The following SLC24A2 variants were observed in gnomAD, a reference collection of about 807,000 sequenced individuals.
SLC24A2 encodes the protein sodium/potassium/calcium exchanger 2.
Under a neutral mutation model 62.0 loss-of-function variants are expected in SLC24A2, and 36 were observed. That is an observed-to-expected ratio of 0.58 (90% CI 0.44 to 0.77). SLC24A2 has a LOEUF of 0.77. Ranked by LOEUF, SLC24A2 falls within the 30% of genes least tolerant of loss-of-function variation. SLC24A2 has a pLI of 0.00. For synonymous variants in SLC24A2, 358 were observed against 294.0 expected (o/e 1.22, Z -2.23); for missense variants, 846 against 817.9 (o/e 1.03, Z -0.42).
At chr9:20,131,783 TATGC>T in the SLC24A2 span, among the ~76,000 whole-genome samples, 2 of 152,116 alleles carry the variant, frequency 1.3e-5, no homozygotes, top group Non-Finnish European at 2.9e-5. Flanking sequence ...CAAGGCAGCA[TATGC>T]AGGCCATTGA....
the SLC24A2 span, among the ~76,000 whole-genome samples, chr9:20,036,884 G>A: frequency 6.8e-6 from 1 of 148,118 alleles, no homozygotes; most frequent in Non-Finnish European, 1.5e-5. Flanking sequence ...ATGTGTGTGT[G>A]TGTGTGCGTA....
intron 9 of SLC24A2, among the ~76,000 whole-genome samples, chr9:19,522,442 A>G (rs1436578174): frequency 6.6e-6 from 1 of 152,226 alleles, no homozygotes; most frequent in South Asian, 2.1e-4. Context: ...AAAGGGCCAA[A>G]ATAGCATATA....
chr9:19,787,722 T>G (rs1431947255), intron 1 of SLC24A2, among the ~76,000 whole-genome samples: 1 of 152,126 alleles, frequency 6.6e-6, no homozygotes, highest in African/African-American at 2.4e-5. Context: ...TGTTTTCAGC[T>G]AAATATTTTT....
chr9:19,516,735 T>C (rs1832948002), intron 10 of SLC24A2, among the ~76,000 whole-genome samples: 1 of 152,182 alleles, frequency 6.6e-6, no homozygotes, highest in East Asian at 1.9e-4. Flanking sequence ...AAAATGTTGC[T>C]TTCAGTCCTA....
chr9:20,307,484 A>G, the SLC24A2 span, among the ~76,000 whole-genome samples: 1 of 152,204 alleles, frequency 6.6e-6, no homozygotes, highest in Non-Finnish European at 1.5e-5. Flanking sequence ...ACAACCCTCT[A>G]ATATAACCAG....
At chr9:20,148,856 C>G in the SLC24A2 span, among the ~76,000 whole-genome samples, 1 of 151,988 alleles carries the variant, frequency 6.6e-6, no homozygotes, top group Non-Finnish European at 1.5e-5. Flanking sequence ...GGTAAGTCAC[C>G]CAGAAAGCCA....
At chr9:19,697,990 A>G (rs898507426) in intron 2 of SLC24A2, among the ~76,000 whole-genome samples, 2 of 152,226 alleles carry the variant, frequency 1.3e-5, no homozygotes, top group African/African-American at 4.8e-5. Context: ...AACAAAAATG[A>G]ACAAAAATGT....
chr9:19,779,945 G>C (rs1008981573), intron 2 of SLC24A2, among the ~76,000 whole-genome samples: 2 of 151,922 alleles, frequency 1.3e-5, no homozygotes, highest in Admixed American at 6.6e-5. Flanking sequence ...CGCCTGTAGT[G>C]CCGCTACTTG....
intron 2 of SLC24A2, among the ~76,000 whole-genome samples, chr9:19,743,423 T>C (rs1821738566): frequency 6.6e-6 from 1 of 152,188 alleles, no homozygotes; most frequent in African/African-American, 2.4e-5. Context: ...TAATTTACCG[T>C]ACTATAAGCT....
the SLC24A2 span, among the ~76,000 whole-genome samples, chr9:20,190,050 G>A: frequency 3.0e-3 from 455 of 152,236 alleles, 1 homozygote; most frequent in Non-Finnish European, 5.1e-3. Flanking sequence ...CATGGCAGGG[G>A]TTAATTAATT....
the SLC24A2 span, among the ~76,000 whole-genome samples, chr9:19,925,392 T>C: frequency 0.013 from 1,999 of 152,338 alleles, 29 homozygotes; most frequent in Non-Finnish European, 0.019. Flanking sequence ...TAGAATCTAA[T>C]ACATGTGAAA....
intron 2 of SLC24A2, among the ~76,000 whole-genome samples, chr9:19,779,573 A>C (rs1423002788): frequency 6.6e-6 from 1 of 152,248 alleles, no homozygotes; most frequent in East Asian, 1.9e-4. Context: ...TTAACAGATT[A>C]AGAAACATCA....
At chr9:20,257,520 T>C in the SLC24A2 span, among the ~76,000 whole-genome samples, 1 of 152,236 alleles carries the variant, frequency 6.6e-6, no homozygotes, top group East Asian at 1.9e-4. Flanking sequence ...AGGATTAAGC[T>C]CCTGCCTTAA....
At chr9:20,048,925 T>A in the SLC24A2 span, among the ~76,000 whole-genome samples, 3 of 151,534 alleles carry the variant, frequency 2.0e-5, no homozygotes, top group Non-Finnish European at 4.4e-5. Flanking sequence ...TTTATGTATT[T>A]TTTATTTATT....
At chr9:20,241,403 C>T in the SLC24A2 span, among the ~76,000 whole-genome samples, 79 of 152,258 alleles carry the variant, frequency 5.2e-4, no homozygotes, top group Admixed American at 1.4e-3. Context: ...CTGAGGTCAT[C>T]GCTTATGTCT....
chr9:19,981,319 G>A, the SLC24A2 span, among the ~76,000 whole-genome samples: 12 of 152,176 alleles, frequency 7.9e-5, no homozygotes, highest in Admixed American at 2.6e-4. Flanking sequence ...ACTGAAATAC[G>A]AAGCAGAACA....
At position 19,512,913 on chromosome 9, in the gene SLC24A2, A is replaced by G. The variant is rs1003694031; in HGVS notation, c.*3240T>C. 9 of 151,966 alleles carry G rather than the reference A, an allele frequency of 5.9e-5. No homozygotes were observed. The highest frequency in any genetic ancestry group is 4.4e-5 in the Non-Finnish European group (3 of 67,990). The allele number at this position is 151,966 out of a possible 1,614,324, so 9.4% of individuals were successfully genotyped here. ...CTGACCGATTTCCTTAAGGCTATAA[A>G]TTGATATTCTTAGGGTGGGAAAATA... On this transcript the variant is annotated 3_prime_UTR_variant, in exon 11 of 11. Coordinates refer to ENST00000341998, the MANE Select transcript of SLC24A2 (RefSeq NM_020344.4).
chr9:20,226,742 T>C, the SLC24A2 span, among the ~76,000 whole-genome samples: 1 of 152,154 alleles, frequency 6.6e-6, no homozygotes, highest in African/African-American at 2.4e-5. Flanking sequence ...TGTCTTTATT[T>C]TAAATACATT....
At chr9:20,293,671 T>C in the SLC24A2 span, among the ~76,000 whole-genome samples, 1 of 152,162 alleles carries the variant, frequency 6.6e-6, no homozygotes, top group Non-Finnish European at 1.5e-5. Flanking sequence ...TACACAAGTA[T>C]TATCTTTGCT....
Sources: allele counts gnomAD v4.1 joint callset (sites outside exome capture counted in the v4.1 genomes callset), GRCh38; gene constraint gnomAD v4.1.1; transcripts MANE v1.5; gene names NCBI Gene and HGNC (gene_info 2026-07-23, HGNC 2026-07-21).